The following SVOPL variants were observed in gnomAD, a reference collection of about 807,000 sequenced individuals.
SVOPL encodes the protein SVOP like.
SVOPL carries 60 observed loss-of-function variants against 61.0 expected under a neutral mutation model. The observed-to-expected ratio is 0.98, with a 90% CI of 0.80 to 1.22. The LOEUF is 1.22. SVOPL is among the 50% of genes most tolerant of loss of function. The probability of loss-of-function intolerance (pLI) is 0.00; values close to 1 mark genes in which losing one functional copy is unlikely to be tolerated. For missense variants in SVOPL, 662 were observed against 643.9 expected, an observed-to-expected ratio of 1.03 and a Z score of -0.30; for synonymous variants, 279 against 250.0, an observed-to-expected ratio of 1.12 and a Z score of -1.09.
intron 1 of SVOPL, among the ~76,000 whole-genome samples, chr7:138,691,205 A>G (rs927854202): frequency 1.3e-5 from 2 of 152,222 alleles, no homozygotes; most frequent in Admixed American, 1.3e-4. Context: ...AACCAAAAGG[A>G]ATCTGGCTTT....
chr7:138,644,886 A>G (rs1237482864), intron 8 of SVOPL, 41 bp from the exon 9 acceptor site: 4 of 1,613,568 alleles, frequency 2.5e-6, no homozygotes, highest in Non-Finnish European at 3.4e-6. Context: ...GGCCACTGCT[A>G]TAGAACCCAG....
At position 138,676,425 on chromosome 7, in the gene SVOPL, T is replaced by G. The variant is rs1471929407; in HGVS notation, c.174+2009A>C. Among the ~76,000 whole-genome samples, 3 of 152,044 alleles carry G rather than the reference T, an allele frequency of 2.0e-5. No individual in the cohort carries two copies. The East Asian group carries it at 5.8e-4, about 29-fold the overall frequency. On this transcript the variant is annotated intron_variant, in intron 3 of 15. Coordinates refer to ENST00000674285, the MANE Select transcript of SVOPL (RefSeq NM_001139456.2). ...TGCTGCCCGGAGAGGACCTACTCCC[T>G]CGTGTCCTTCGAGAGTGGAGGAACC...
intron 9 of SVOPL, among the ~76,000 whole-genome samples, chr7:138,641,911 A>C (rs1400348821): frequency 4.7e-5 from 3 of 63,566 alleles, no homozygotes; most frequent in Non-Finnish European, 9.2e-5. Flanking sequence ...GTCAATGAGT[A>C]TATATGTATG....
chr7:138,644,197 CAAAAAAAA>C (rs71179714), intron 9 of SVOPL, among the ~76,000 whole-genome samples: 5,595 of 50,056 alleles, frequency 0.11, 135 homozygotes, highest in East Asian at 0.26. Context: ...AAGACTCCAT[CAAAAAAAA>C]AAAAAAAAAA....
chr7:138,607,975 T>TA (rs1429821011), intron 14 of SVOPL, among the ~76,000 whole-genome samples: 1 of 152,166 alleles, frequency 6.6e-6, no homozygotes, highest in Non-Finnish European at 1.5e-5. Flanking sequence ...CTTGGAATGT[T>TA]AAAATAGAAG....
At chr7:138,637,453 TAG>T (rs1303361640) in intron 9 of SVOPL, among the ~76,000 whole-genome samples, 6 of 11,780 alleles carry the variant, frequency 5.1e-4, no homozygotes, top group African/African-American at 3.0e-3. Context: ...GATAGATAGA[TAG>T]ATATATATAT....
intron 1 of SVOPL, among the ~76,000 whole-genome samples, chr7:138,685,002 A>G (rs1355891968): frequency 3.3e-5 from 5 of 149,566 alleles, no homozygotes; most frequent in African/African-American, 1.2e-4. Flanking sequence ...GCAGGATCTC[A>G]GCTCACTGCA....
At chr7:138,633,341 G>T (rs1011974304) in intron 9 of SVOPL, among the ~76,000 whole-genome samples, 3 of 152,176 alleles carry the variant, frequency 2.0e-5, no homozygotes, top group Non-Finnish European at 2.9e-5. Context: ...GGTCGTGGGG[G>T]TGGATCCCTC....
chr7:138,608,412 C>A (rs903514155), intron 14 of SVOPL, among the ~76,000 whole-genome samples: 13 of 152,172 alleles, frequency 8.5e-5, no homozygotes, highest in African/African-American at 3.1e-4. Flanking sequence ...AGGCCAATTG[C>A]GGGAACATAA....
intron 14 of SVOPL, among the ~76,000 whole-genome samples, chr7:138,615,560 C>CAAAAA (rs770404185): frequency 0.086 from 479 of 5,544 alleles, 132 homozygotes; most frequent in Non-Finnish European, 0.2. Context: ...ACTCCGTCTC[C>CAAAAA]AAAAAAAAAA....
chr7:138,648,518 T>A (rs1331915196), intron 8 of SVOPL, among the ~76,000 whole-genome samples: 1 of 132,644 alleles, frequency 7.5e-6, no homozygotes, highest in Non-Finnish European at 1.6e-5. Flanking sequence ...TGAAACACTG[T>A]CTCTACTAAA....
In SVOPL at chr7:138,677,743, CTT is replaced by C. The variant is rs34687538; in HGVS notation, c.174+689_174+690del. 5.5e-3 allele frequency among the ~76,000 whole-genome samples: 745 copies of C among 134,726 alleles called. 11 individuals are homozygous for C. Among genetic ancestry groups the C allele is most frequent in the African/African-American group, 0.018 (667 of 36,938 alleles). The allele number at this position is 134,726 out of a possible 152,430, so 88.4% of individuals were successfully genotyped here. A position where few individuals can be genotyped will look rare whatever the true frequency, so the allele number is the denominator to read the frequency against. On this transcript the variant is annotated intron_variant, in intron 3 of 15. Coordinates refer to ENST00000674285, the MANE Select transcript of SVOPL (RefSeq NM_001139456.2). Reference sequence around the variant, plus strand: ...TCAAAAGAACCTTAGTCTACACAATCTTTTTTTTTTTTTTTTCATTTTATTAT... The same window carrying C: ...TCAAAAGAACCTTAGTCTACACAATCTTTTTTTTTTTTTTCATTTTATTAT...
At chr7:138,665,911 A>C (rs1471650857) in intron 4 of SVOPL, among the ~76,000 whole-genome samples, 1 of 152,222 alleles carries the variant, frequency 6.6e-6, no homozygotes, top group Non-Finnish European at 1.5e-5. Flanking sequence ...CAAAAACTGT[A>C]ATAAGGACTC....
chr7:138,622,290 C>CTATGTATG (rs1216244689), intron 13 of SVOPL, among the ~76,000 whole-genome samples: 81 of 106,618 alleles, frequency 7.6e-4, no homozygotes, highest in African/African-American at 2.5e-3. Flanking sequence ...ATCTATCTAT[C>CTATGTATG]TATCTATCTA....
Position 138,607,025 on chromosome 7 carries a change from G to GTT in SVOPL, c.1354-10497_1354-10496dup, listed in dbSNP as rs398111941. Among the ~76,000 whole-genome samples, 206 of 147,098 alleles carry GTT rather than the reference G, an allele frequency of 1.4e-3. 2 individuals are homozygous for GTT. In the South Asian group the frequency reaches 0.015, roughly 11 times the overall value. ...CTAACTGTCTGCTTAACTGTTTTTT[G>GTT]TTTTTTTTTTCATTCTCCTCTCTCA... On this transcript the variant is annotated intron_variant, in intron 14 of 15. Coordinates refer to ENST00000674285, the MANE Select transcript of SVOPL (RefSeq NM_001139456.2).
At chr7:138,602,698 G>T (rs1223621314) in intron 14 of SVOPL, among the ~76,000 whole-genome samples, 2 of 120,470 alleles carry the variant, frequency 1.7e-5, no homozygotes, top group Non-Finnish European at 3.3e-5. Flanking sequence ...AAAAGCCCCT[G>T]CCCTTGCATA....
At chr7:138,684,342 G>C (rs1802759304) in intron 1 of SVOPL, among the ~76,000 whole-genome samples, 1 of 139,676 alleles carries the variant, frequency 7.2e-6, no homozygotes, top group Non-Finnish European at 1.5e-5. Flanking sequence ...TACAGCCTGG[G>C]CAACACAGCA....
rs772171417 is a variant in SVOPL at position 138,672,069 on chromosome 7, T to C, written c.223A>G (p.Ile75Val). 3.1e-5 allele frequency: 48 copies of C among 1,551,562 alleles called. 1 individual carries two copies. In the South Asian group the frequency reaches 5.5e-4, roughly 18 times the overall value. ...IMLIAVVSPV[I>V]RCEWQLENWQ... ...TTCTCCAGTTGCCATTCACAGCGGA[T>C]GACAGGAGACACAACAGCTATCAAC... is the stretch of plus-strand genomic sequence containing the variant. Residue 75 changes from isoleucine (I) to valine (V), a missense_variant, in exon 4 of 16, where the codon ATC becomes GTC. By Grantham distance (29) the Ile-to-Val change is conservative. Coordinates refer to ENST00000674285, the MANE Select transcript of SVOPL (RefSeq NM_001139456.2).
chr7:138,598,320 G>A (rs936682364), intron 14 of SVOPL, among the ~76,000 whole-genome samples: 5 of 151,978 alleles, frequency 3.3e-5, no homozygotes, highest in African/African-American at 9.7e-5. Flanking sequence ...AAATAAAAGA[G>A]CTTCAAAATA....
Sources: gnomAD v4.1 joint callset for allele counts (sites outside exome capture counted in the v4.1 genomes callset) on GRCh38, gnomAD v4.1.1 for gene constraint, MANE v1.5 for transcripts, NCBI Gene and HGNC (gene_info 2026-07-23, HGNC 2026-07-21) for gene names.